Variants in USH2A observed in about 807,000 individuals in gnomAD.
USH2A encodes Usher syndrome 2A (autosomal recessive, mild).
Under a neutral mutation model 538.9 loss-of-function variants are expected in USH2A, and 443 were observed. The observed-to-expected ratio is 0.82, with a 90% CI of 0.76 to 0.89. The LOEUF (loss-of-function observed/expected upper bound fraction) is 0.89. Among genes scored for constraint, USH2A ranks in the 40% least tolerant of loss-of-function variants. The pLI is 0.00. For missense variants in USH2A, 6,633 were observed against 6,324.8 expected (o/e 1.05, Z -1.65); for synonymous variants, 2,413 against 2,273.5 (o/e 1.06, Z -1.75).
At chr1:216,342,075 G>C (rs2038086668) in intron 4 of USH2A, among the ~76,000 whole-genome samples, 1 of 152,100 alleles carries the variant, frequency 6.6e-6, no homozygotes, top group South Asian at 2.1e-4. Context: ...CAGAATGGGA[G>C]AAAATTTTCG....
intron 9 of USH2A, among the ~76,000 whole-genome samples, chr1:216,305,467 C>T (rs1189614726): frequency 6.6e-6 from 1 of 152,052 alleles, no homozygotes; most frequent in Admixed American, 6.5e-5. Context: ...ATCCTTTCTG[C>T]CATTCTGTAT....
chr1:216,021,667 T>C (rs1264913354), intron 32 of USH2A, among the ~76,000 whole-genome samples: 1 of 152,172 alleles, frequency 6.6e-6, no homozygotes, highest in Non-Finnish European at 1.5e-5. Flanking sequence ...CCCACAGTCA[T>C]GTGAGCCAAT....
chr1:215,741,146 C>A (rs369356282), intron 60 of USH2A, among the ~76,000 whole-genome samples: 1 of 152,086 alleles, frequency 6.6e-6, no homozygotes, highest in Non-Finnish European at 1.5e-5. Context: ...TGTTATATGG[C>A]AGTTATGGCT....
At chr1:216,003,377 C>T (rs929520475) in intron 32 of USH2A, among the ~76,000 whole-genome samples, 1 of 152,092 alleles carries the variant, frequency 6.6e-6, no homozygotes, top group African/African-American at 2.4e-5. Context: ...TTAAGATGTT[C>T]ATGCTGCATT....
chr1:216,346,911 G>T (rs2038186568), intron 4 of USH2A, among the ~76,000 whole-genome samples: 1 of 151,816 alleles, frequency 6.6e-6, no homozygotes, highest in Non-Finnish European at 1.5e-5. Flanking sequence ...TGATTAATCG[G>T]TTTAAAAATA....
At chr1:216,313,131 C>A (rs1412887589) in intron 9 of USH2A, among the ~76,000 whole-genome samples, 1 of 152,148 alleles carries the variant, frequency 6.6e-6, no homozygotes, top group Non-Finnish European at 1.5e-5. Context: ...AAGGAGTGCA[C>A]AACCTAAATC....
chr1:215,704,142 C>T (rs540031060), intron 61 of USH2A, among the ~76,000 whole-genome samples: 43 of 152,194 alleles, frequency 2.8e-4, no homozygotes, highest in Non-Finnish European at 8.8e-5. Context: ...ATGGGCTGCA[C>T]CCACTGTCCA....
At chr1:215,766,656 C>A (rs780362048) in intron 56 of USH2A, 25 bp downstream of exon 56, 5 of 1,602,978 alleles carry the variant, frequency 3.1e-6, no homozygotes, top group Middle Eastern at 1.7e-4. Context: ...TTTCTTCCCT[C>A]AAACCATGGA....
intron 16 of USH2A, among the ~76,000 whole-genome samples, chr1:216,203,538 C>T (rs545625617): frequency 3.4e-4 from 51 of 152,066 alleles, no homozygotes; most frequent in African/African-American, 1.1e-3. Flanking sequence ...GGGAAACTAC[C>T]GCATTAAGAA....
At chr1:216,125,755 G>A (rs1046352483) in intron 21 of USH2A, among the ~76,000 whole-genome samples, 1 of 152,092 alleles carries the variant, frequency 6.6e-6, no homozygotes, top group Non-Finnish European at 1.5e-5. Flanking sequence ...AAGTTCTCAC[G>A]ACCAACAGAC....
At chr1:215,859,948 G>T (rs1250882338) in intron 44 of USH2A, among the ~76,000 whole-genome samples, 2 of 152,158 alleles carry the variant, frequency 1.3e-5, no homozygotes, top group Non-Finnish European at 2.9e-5. Context: ...GTTGCATGGG[G>T]CCAGATTCTC....
At chr1:216,025,834 C>T (rs1459161823) in intron 32 of USH2A, among the ~76,000 whole-genome samples, 2 of 152,018 alleles carry the variant, frequency 1.3e-5, no homozygotes, top group Non-Finnish European at 2.9e-5. Flanking sequence ...TTATGATCTG[C>T]ATCCTCTTGA....
intron 37 of USH2A, among the ~76,000 whole-genome samples, chr1:215,961,597 TGAA>T (rs912987980): frequency 1.3e-4 from 19 of 151,322 alleles, no homozygotes; most frequent in African/African-American, 4.3e-4. Context: ...ATAAAAATAA[TGAA>T]GAGGACTAGA....
intron 35 of USH2A, among the ~76,000 whole-genome samples, chr1:215,986,554 A>G (rs1667879647): frequency 6.6e-6 from 1 of 152,262 alleles, no homozygotes; most frequent in South Asian, 2.1e-4. Flanking sequence ...AGACAAGTCT[A>G]TGTGCTGTCT....
At chr1:216,031,267 A>T (rs1669115233) in intron 32 of USH2A, among the ~76,000 whole-genome samples, 1 of 152,074 alleles carries the variant, frequency 6.6e-6, no homozygotes, top group Admixed American at 6.6e-5. Flanking sequence ...TTACCCCATA[A>T]TTGAGCCCCC....
chr1:215,670,763 T>C (rs889629435), intron 64 of USH2A, among the ~76,000 whole-genome samples: 6 of 152,172 alleles, frequency 3.9e-5, no homozygotes, highest in Non-Finnish European at 7.4e-5. Context: ...AAACAACGTA[T>C]ATAATATGGC....
intron 55 of USH2A, among the ~76,000 whole-genome samples, chr1:215,769,662 T>TG (rs1167174346): frequency 6.6e-6 from 1 of 152,006 alleles, no homozygotes; most frequent in Non-Finnish European, 1.5e-5. Context: ...TAGCAGGATA[T>TG]GGGGGTAGGG....
chr1:216,029,203 G>A lies in USH2A; in HGVS notation c.6325+17228C>T, dbSNP rs112321812. On this transcript the variant is annotated intron_variant, in intron 32 of 71. Transcript: ENST00000307340. Reference sequence around the variant, plus strand: ...TCCACCTTTGTGTCACTATTACCCAGTTTTCTCCTAGGAATTTAGCAATTA... The same window carrying A: ...TCCACCTTTGTGTCACTATTACCCAATTTTCTCCTAGGAATTTAGCAATTA... 3.1e-3 allele frequency among the ~76,000 whole-genome samples: 478 copies of A among 152,070 alleles called. 3 individuals are homozygous for A. Among genetic ancestry groups the A allele is most frequent in the African/African-American group, 0.011 (455 of 41,526 alleles).
At chr1:215,946,164 T>C (rs1666752594) in intron 37 of USH2A, among the ~76,000 whole-genome samples, 1 of 152,188 alleles carries the variant, frequency 6.6e-6, no homozygotes, top group African/African-American at 2.4e-5. Context: ...TCATCACAAA[T>C]GATGGACCTA....
Sources: allele counts gnomAD v4.1 joint callset (sites outside exome capture counted in the v4.1 genomes callset), GRCh38; gene constraint gnomAD v4.1.1; transcripts MANE v1.5; gene names NCBI Gene and HGNC (gene_info 2026-07-23, HGNC 2026-07-21).